The following ERC2 variants were observed in gnomAD, a reference collection of about 807,000 sequenced individuals.
ERC2 encodes ERC protein 2.
ERC2 carries 42 observed loss-of-function variants against 114.8 expected under a neutral mutation model. The ratio of observed to expected loss-of-function variants is 0.37; its 90% confidence interval spans 0.29 to 0.47. ERC2 has a LOEUF of 0.47. Ranked by LOEUF, ERC2 falls within the 20% of genes least tolerant of loss-of-function variation. The pLI is 0.99. For missense variants in ERC2, 939 were observed against 1,150.7 expected, an observed-to-expected ratio of 0.82 and a Z score of 2.66; for synonymous variants, 454 against 425.5, an observed-to-expected ratio of 1.07 and a Z score of -0.82.
intron 13 of ERC2, among the ~76,000 whole-genome samples, chr3:55,935,638 C>T (rs866038831): frequency 6.6e-6 from 1 of 152,184 alleles, no homozygotes; most frequent in Non-Finnish European, 1.5e-5. Context: ...AACCTGCTGG[C>T]TCATTTTGCC....
intron 12 of ERC2, among the ~76,000 whole-genome samples, chr3:55,985,234 T>A (rs1228347296): frequency 6.6e-6 from 1 of 152,212 alleles, no homozygotes; most frequent in Non-Finnish European, 1.5e-5. Context: ...TTGGGCCTCC[T>A]ACATTGGAGG....
At chr3:56,429,685 G>A (rs928610703) in intron 2 of ERC2, among the ~76,000 whole-genome samples, 10 of 152,330 alleles carry the variant, frequency 6.6e-5, no homozygotes, top group East Asian at 1.9e-4. Flanking sequence ...GTAGAGCCGC[G>A]TGGCTGAGAA....
chr3:55,944,203 C>T (rs979634920), intron 13 of ERC2, among the ~76,000 whole-genome samples: 5 of 152,200 alleles, frequency 3.3e-5, no homozygotes, highest in Admixed American at 6.5e-5. Flanking sequence ...AAATATGTTG[C>T]GTTTCATTCA....
intron 2 of ERC2, among the ~76,000 whole-genome samples, chr3:56,362,558 C>T (rs2058998308): frequency 6.6e-6 from 1 of 152,232 alleles, no homozygotes; most frequent in Non-Finnish European, 1.5e-5. Context: ...TTCTGGAATA[C>T]TCCGAATTAT....
intron 17 of ERC2, among the ~76,000 whole-genome samples, chr3:55,514,175 T>C (rs977727509): frequency 1.3e-5 from 2 of 152,164 alleles, no homozygotes; most frequent in Non-Finnish European, 2.9e-5. Context: ...GGTGGGTGGA[T>C]ATTTTGAGCC....
intron 4 of ERC2, among the ~76,000 whole-genome samples, chr3:56,173,127 G>T (rs903472261): frequency 7.9e-5 from 12 of 152,132 alleles, no homozygotes; most frequent in African/African-American, 2.7e-4. Context: ...AGGAGGAAAA[G>T]AATTATTGTA....
chr3:56,300,829 G>A (rs1254000253), intron 2 of ERC2, among the ~76,000 whole-genome samples: 2 of 152,154 alleles, frequency 1.3e-5, no homozygotes, highest in Non-Finnish European at 2.9e-5. Context: ...TTCAAACCAC[G>A]ACATCATTGG....
In ERC2 at chr3:56,227,595, A is replaced by C. The variant is rs1308842529; in HGVS notation, c.1075-54075T>G. ...ATCTGCACTGCCTCTGCACCCAAAA[A>C]CTAGTTTTCCACCCTACTCTTTCTT... On this transcript the variant is annotated intron_variant, in intron 3 of 17. Transcript: ENST00000288221. Among the ~76,000 whole-genome samples the C allele has an allele frequency of 6.6e-5, 10 of 152,066 alleles. No homozygotes were observed. The East Asian group carries it at 1.9e-3, about 29-fold the overall frequency.
At chr3:55,924,624 G>A (rs897188345) in intron 13 of ERC2, among the ~76,000 whole-genome samples, 1 of 152,058 alleles carries the variant, frequency 6.6e-6, no homozygotes, top group Non-Finnish European at 1.5e-5. Context: ...AGAACTCCAA[G>A]CAGAAGGTGG....
intron 2 of ERC2, among the ~76,000 whole-genome samples, chr3:56,396,066 G>A (rs1453325719): frequency 6.6e-6 from 1 of 152,326 alleles, no homozygotes; most frequent in Non-Finnish European, 1.5e-5. Context: ...TGGAAAATTT[G>A]TGGTTAATGA....
intron 13 of ERC2, among the ~76,000 whole-genome samples, chr3:55,910,341 G>T (rs1407599090): frequency 6.6e-6 from 1 of 151,030 alleles, no homozygotes; most frequent in Non-Finnish European, 1.5e-5. Context: ...GTAGTGAGCC[G>T]AGATCACACC....
intron 5 of ERC2, among the ~76,000 whole-genome samples, chr3:56,148,148 T>C (rs2081240225): frequency 6.6e-6 from 1 of 152,204 alleles, no homozygotes; most frequent in African/African-American, 2.4e-5. Flanking sequence ...ACCAACCCAA[T>C]GACGTAGGTA....
At chr3:55,897,807 G>A (rs1298744730) in intron 13 of ERC2, among the ~76,000 whole-genome samples, 1 of 152,176 alleles carries the variant, frequency 6.6e-6, no homozygotes, top group African/African-American at 2.4e-5. Flanking sequence ...CTGCCTTAGA[G>A]TGACACCTTT....
At chr3:55,822,299 C>G (rs1357479823) in intron 14 of ERC2, among the ~76,000 whole-genome samples, 1 of 152,186 alleles carries the variant, frequency 6.6e-6, no homozygotes, top group African/African-American at 2.4e-5. Context: ...AAGATCCTCA[C>G]TTATTCTAAA....
chr3:55,623,808 T>C (rs754486236), intron 17 of ERC2, among the ~76,000 whole-genome samples: 5 of 152,234 alleles, frequency 3.3e-5, no homozygotes, highest in Non-Finnish European at 4.4e-5. Context: ...CCCTCCCCTG[T>C]CCAGGTGTGC....
chr3:56,109,433 T>G (rs2078844716), intron 6 of ERC2, among the ~76,000 whole-genome samples: 1 of 152,206 alleles, frequency 6.6e-6, no homozygotes. Context: ...TGATGGGCAT[T>G]TAGGTTGATT....
chr3:55,656,308 T>G (rs1280195277), intron 17 of ERC2, among the ~76,000 whole-genome samples: 2 of 152,124 alleles, frequency 1.3e-5, no homozygotes, highest in Non-Finnish European at 2.9e-5. Flanking sequence ...CCAACTATTT[T>G]TTTTGTTTTG....
At chr3:55,923,892 T>G (rs1175972853) in intron 13 of ERC2, among the ~76,000 whole-genome samples, 1 of 152,142 alleles carries the variant, frequency 6.6e-6, no homozygotes, top group East Asian at 1.9e-4. Flanking sequence ...AACATAGGGT[T>G]AAGGCAGCCA....
chr3:55,622,592 G>A (rs764886762), intron 17 of ERC2, among the ~76,000 whole-genome samples: 5 of 152,062 alleles, frequency 3.3e-5, no homozygotes, highest in Middle Eastern at 3.2e-3. Context: ...GTGCTACAGA[G>A]ACACAGGAAT....
Sources: allele counts gnomAD v4.1 joint callset (sites outside exome capture counted in the v4.1 genomes callset), GRCh38; gene constraint gnomAD v4.1.1; transcripts MANE v1.5; gene names NCBI Gene and HGNC (gene_info 2026-07-23, HGNC 2026-07-21).